Variants in PITPNC1 observed in about 807,000 individuals in gnomAD.
PITPNC1 encodes the protein phosphatidylinositol transfer protein cytoplasmic 1.
Under a neutral mutation model 44.7 loss-of-function variants are expected in PITPNC1, and 18 were observed. The observed-to-expected ratio is 0.40, with a 90% CI of 0.28 to 0.60. The LOEUF (loss-of-function observed/expected upper bound fraction) is 0.60. PITPNC1 is among the 20% of genes least tolerant of loss of function. PITPNC1 has a pLI of 0.39. For missense variants in PITPNC1, 290 were observed against 418.4 expected (o/e 0.69, Z 2.68); for synonymous variants, 141 against 149.6 (o/e 0.94, Z 0.42).
chr17:67,502,284 CTT>C (rs34451812), intron 1 of PITPNC1, among the ~76,000 whole-genome samples: 3 of 146,906 alleles, frequency 2.0e-5, no homozygotes, highest in Non-Finnish European at 3.0e-5. Context: ...TTTACTTGTA[CTT>C]TTTTTTTTTT....
At chr17:67,415,159 C>T (rs1210565218) in intron 1 of PITPNC1, among the ~76,000 whole-genome samples, 1 of 152,160 alleles carries the variant, frequency 6.6e-6, no homozygotes, top group Non-Finnish European at 1.5e-5. Context: ...GGATTACAGG[C>T]ATGAGCTATC....
chr17:67,653,101 G>A (rs994375038), intron 6 of PITPNC1, among the ~76,000 whole-genome samples: 1 of 152,124 alleles, frequency 6.6e-6, no homozygotes, highest in African/African-American at 2.4e-5. Flanking sequence ...GGCCAACATG[G>A]TGAAACCCCA....
At chr17:67,680,432 T>G (rs540787591) in intron 8 of PITPNC1, among the ~76,000 whole-genome samples, 5 of 152,102 alleles carry the variant, frequency 3.3e-5, no homozygotes, top group Non-Finnish European at 7.3e-5. Context: ...AAACTCCGTC[T>G]CTACTGAAAA....
At chr17:67,425,280 G>A (rs1265833000) in intron 1 of PITPNC1, among the ~76,000 whole-genome samples, 1 of 145,866 alleles carries the variant, frequency 6.9e-6, no homozygotes, top group Non-Finnish European at 1.5e-5. Flanking sequence ...GAGAGAGAGA[G>A]AAATGACCTC....
chr17:67,543,160 C>G (rs1419029433), intron 2 of PITPNC1, among the ~76,000 whole-genome samples: 1 of 152,198 alleles, frequency 6.6e-6, no homozygotes. Flanking sequence ...GGGCAGAAAT[C>G]AACAGCCCCA....
At position 67,676,034 on chromosome 17, in the gene PITPNC1, G is replaced by C. The variant is rs1353110505; in HGVS notation, c.682+492G>C. Among the ~76,000 whole-genome samples, 2 of 152,002 alleles carry C rather than the reference G, an allele frequency of 1.3e-5. No homozygotes were observed. Among genetic ancestry groups the C allele is most frequent in the African/African-American group, 4.8e-5 (2 of 41,384 alleles). ...ATCCTGGCTAACACGGTGAAACCCC[G>C]TCTCTACTAAATAATACAAAAAATT... On this transcript the variant is annotated intron_variant, in intron 8 of 8. Transcript: ENST00000581322. The surrounding 1 kb of genome is among the most constrained non-coding windows in gnomAD (Gnocchi z 4.0).
intron 5 of PITPNC1, among the ~76,000 whole-genome samples, chr17:67,587,654 C>CT (rs2144250452): frequency 6.6e-6 from 1 of 152,318 alleles, no homozygotes; most frequent in South Asian, 2.1e-4. Context: ...CTTCTGATGG[C>CT]TTCCAGGTCC....
intron 5 of PITPNC1, among the ~76,000 whole-genome samples, chr17:67,583,998 C>G (rs576479068): frequency 6.6e-5 from 10 of 151,682 alleles, no homozygotes; most frequent in Non-Finnish European, 1.3e-4. Context: ...CTCGGCTTCC[C>G]AAATTGCTGG....
intron 1 of PITPNC1, among the ~76,000 whole-genome samples, chr17:67,411,978 T>C (rs1198848955): frequency 2.0e-5 from 3 of 152,136 alleles, no homozygotes; most frequent in African/African-American, 7.2e-5. Context: ...GCACTTCTTC[T>C]GGAAAAAGCA....
At chr17:67,673,992 T>TA (rs954618452) in intron 7 of PITPNC1, among the ~76,000 whole-genome samples, 1 of 140,468 alleles carries the variant, frequency 7.1e-6, no homozygotes, top group Admixed American at 7.1e-5. Context: ...AAAAAAAAGA[T>TA]AAAAAGAAAA....
intron 1 of PITPNC1, among the ~76,000 whole-genome samples, chr17:67,416,319 C>T (rs781229842): frequency 2.7e-5 from 4 of 147,482 alleles, no homozygotes; most frequent in Non-Finnish European, 3.0e-5. Context: ...AGGTTCAAGC[C>T]GTTCTCCTGC....
intron 1 of PITPNC1, among the ~76,000 whole-genome samples, chr17:67,406,272 A>G (rs1293535994): frequency 6.6e-6 from 1 of 152,112 alleles, no homozygotes; most frequent in Non-Finnish European, 1.5e-5. Flanking sequence ...CCTCCTGAGT[A>G]GCTGGATTTC....
At chr17:67,388,932 A>G (rs944074640) in intron 1 of PITPNC1, among the ~76,000 whole-genome samples, 1 of 152,210 alleles carries the variant, frequency 6.6e-6, no homozygotes, top group African/African-American at 2.4e-5. Context: ...CTGTGTTACA[A>G]ATGATCACAA....
chr17:67,414,728 CAGAT>C (rs1428027938), intron 1 of PITPNC1, among the ~76,000 whole-genome samples: 4 of 152,076 alleles, frequency 2.6e-5, no homozygotes, highest in African/African-American at 4.8e-5. Context: ...TAAATACAAA[CAGAT>C]AGGAATAATG....
At chr17:67,443,520 G>C (rs1317235328) in intron 1 of PITPNC1, among the ~76,000 whole-genome samples, 1 of 151,246 alleles carries the variant, frequency 6.6e-6, no homozygotes, top group Non-Finnish European at 1.5e-5. Context: ...GGCTTTTCAT[G>C]TCTAATGAAT....
At chr17:67,423,692 A>G (rs1012826537) in intron 1 of PITPNC1, among the ~76,000 whole-genome samples, 1 of 152,066 alleles carries the variant, frequency 6.6e-6, no homozygotes, top group Non-Finnish European at 1.5e-5. Context: ...GTGGGTTTCC[A>G]TCCTATAGTT....
chr17:67,490,732 G>A (rs1371274751), intron 1 of PITPNC1, among the ~76,000 whole-genome samples: 1 of 152,218 alleles, frequency 6.6e-6, no homozygotes, highest in East Asian at 1.9e-4. Flanking sequence ...AGGGAGAAAT[G>A]AGTTGGGGGC....
intron 6 of PITPNC1, among the ~76,000 whole-genome samples, chr17:67,666,047 T>C (rs542918383): frequency 8.5e-5 from 13 of 152,294 alleles, no homozygotes; most frequent in Non-Finnish European, 1.6e-4. Flanking sequence ...TTTACCATGT[T>C]GCCCAGGCTG....
intron 5 of PITPNC1, among the ~76,000 whole-genome samples, chr17:67,593,120 A>G (rs543546808): frequency 2.0e-5 from 3 of 152,330 alleles, no homozygotes; most frequent in South Asian, 2.1e-4. Flanking sequence ...AAACCTGACC[A>G]TGGAAACCAT....
Sources: allele counts gnomAD v4.1 joint callset (sites outside exome capture counted in the v4.1 genomes callset), GRCh38; gene constraint gnomAD v4.1.1; non-coding constraint Gnocchi (gnomAD v3.1); transcripts MANE v1.5; gene names NCBI Gene and HGNC (gene_info 2026-07-23, HGNC 2026-07-21).